REV3L: variants seen among roughly 807,000 people sequenced by gnomAD.
The protein encoded by REV3L is DNA polymerase zeta catalytic subunit.
A neutral mutation model predicts 299.4 loss-of-function variants in REV3L; 69 were observed. The observed-to-expected ratio is 0.23, with a 90% confidence interval of 0.19 to 0.28. The LOEUF is 0.28. Among genes scored for constraint, REV3L ranks in the 10% least tolerant of loss-of-function variants. The probability of loss-of-function intolerance (pLI) is 1.00; values close to 1 mark genes in which losing one functional copy is unlikely to be tolerated. For synonymous variants in REV3L, 1,238 were observed against 1,271.4 expected, an observed-to-expected ratio of 0.97 and a Z score of 0.56; for missense variants, 3,128 against 3,693.8, an observed-to-expected ratio of 0.85 and a Z score of 3.97.
intron 1 of REV3L, among the ~76,000 whole-genome samples, chr6:111,448,517 G>T (rs538344906): frequency 1.3e-5 from 2 of 151,924 alleles, no homozygotes; most frequent in African/African-American, 4.8e-5. Flanking sequence ...GTAGTTTTTG[G>T]AAAGATGGTG....
intron 1 of REV3L, among the ~76,000 whole-genome samples, chr6:111,452,225 T>G (rs112313874): frequency 6.6e-5 from 10 of 151,988 alleles, no homozygotes; most frequent in Admixed American, 2.0e-4. Flanking sequence ...TTGGAGAGGG[T>G]AGGAGAAACT....
At position 111,350,822 on chromosome 6, in the gene REV3L, C is replaced by CAA. The variant is rs1481679207; in HGVS notation, c.7300+852_7300+853dup. Among the ~76,000 whole-genome samples the CAA allele has an allele frequency of 5.3e-5, 8 of 150,988 alleles. No individual in the cohort carries two copies. In the East Asian group the frequency reaches 1.6e-3, roughly 30 times the overall value. On this transcript the variant is annotated intron_variant, in intron 19 of 31. Transcript: ENST00000368802. The stretch of plus-strand genomic sequence containing the variant: ...TGGGATAGTTTTGAACTCCAGGGCT[C>CAA]AAGCAAGCCTCCCACCTTGGCCTCC...
chr6:111,351,406 A>C, intron 19 of REV3L, among the ~76,000 whole-genome samples: 1 of 152,216 alleles, frequency 6.6e-6, no homozygotes, highest in East Asian at 1.9e-4. Context: ...ATACGGTATG[A>C]TTATTTAAAA....
At chr6:111,309,116 C>T (rs1772666380) in intron 30 of REV3L, 1 of 152,342 alleles carries the variant, frequency 6.6e-6, no homozygotes, top group Middle Eastern at 3.1e-3. Context: ...GTGTGTGTTA[C>T]AGGGTATTCT....
chr6:111,460,760 A>G (rs1437663298), intron 1 of REV3L, among the ~76,000 whole-genome samples: 1 of 152,128 alleles, frequency 6.6e-6, no homozygotes, highest in African/African-American at 2.4e-5. Context: ...TTGTTCTAAA[A>G]GATAACTGTC....
Position 111,338,311 on chromosome 6 carries a change from CCTTTTTTTTTTTTT to C in REV3L, c.7539-2715_7539-2702del, listed in dbSNP as rs1457972889. Among the ~76,000 whole-genome samples the C allele has an allele frequency of 4.5e-3, 223 of 49,052 alleles. 3 individuals carry two copies. Among genetic ancestry groups the C allele is most frequent in the Middle Eastern group, 0.037 (3 of 82 alleles). The allele number at this position is 49,052 out of a possible 152,430, so 32.2% of individuals were successfully genotyped here. Reference sequence around the variant, plus strand: ...TTCTTTGTTTACTCCAGTCTAAAGTCCTTTTTTTTTTTTTTTTTTTTTTTTTTTTTTTTTTTTTT... The same window carrying C: ...TTCTTTGTTTACTCCAGTCTAAAGTCTTTTTTTTTTTTTTTTTTTTTTTTT... On this transcript the variant is annotated intron_variant, in intron 21 of 31. Coordinates refer to ENST00000368802, the MANE Select transcript of REV3L (RefSeq NM_001372078.1).
intron 1 of REV3L, among the ~76,000 whole-genome samples, chr6:111,463,640 C>G (rs1791062380): frequency 6.6e-6 from 1 of 152,070 alleles, no homozygotes; most frequent in African/African-American, 2.4e-5. Context: ...TTTCACTTAA[C>G]TTTGTTGATA....
chr6:111,317,223 A>C (rs901494681), intron 26 of REV3L, among the ~76,000 whole-genome samples: 6 of 152,214 alleles, frequency 3.9e-5, no homozygotes, highest in African/African-American at 1.4e-4. Context: ...CTTTGGAAAA[A>C]GTCCCTGCTA....
intron 1 of REV3L, among the ~76,000 whole-genome samples, chr6:111,444,143 G>A (rs917087254): frequency 2.6e-5 from 4 of 152,198 alleles, no homozygotes; most frequent in Non-Finnish European, 4.4e-5. Flanking sequence ...AGATTAGGAA[G>A]TATTGGTTAA....
chr6:111,430,842 T>A (rs919378571), intron 1 of REV3L: 44 of 1,607,586 alleles, frequency 2.7e-5, no homozygotes, highest in Non-Finnish European at 3.7e-5. Flanking sequence ...CAGTGCAAAT[T>A]GGAAAGAAGA....
At chr6:111,439,430 C>T (rs193140893) in intron 1 of REV3L, among the ~76,000 whole-genome samples, 114 of 152,216 alleles carry the variant, frequency 7.5e-4, no homozygotes, top group African/African-American at 2.6e-3. Context: ...TAGACAACAA[C>T]CAATTGAGAG....
chr6:111,471,056 A>G (rs1792145369), intron 1 of REV3L, among the ~76,000 whole-genome samples: 1 of 152,304 alleles, frequency 6.6e-6, no homozygotes, highest in South Asian at 2.1e-4. Context: ...TGTAGAAAAT[A>G]TATGGTGATG....
At chr6:111,353,618 T>C (rs1424158368) in intron 18 of REV3L, 2 of 152,204 alleles carry the variant, frequency 1.3e-5, no homozygotes, top group African/African-American at 4.8e-5. Context: ...CTTTTCTCTA[T>C]ACAAATAGGG....
At chr6:111,304,549 C>T (rs1772048300) in intron 31 of REV3L, among the ~76,000 whole-genome samples, 1 of 151,740 alleles carries the variant, frequency 6.6e-6, no homozygotes, top group Non-Finnish European at 1.5e-5. Context: ...TGAAAAACAC[C>T]TCAAATTAAA....
chr6:111,302,439 A>G (rs1324849037), intron 31 of REV3L, among the ~76,000 whole-genome samples: 8 of 152,222 alleles, frequency 5.3e-5, no homozygotes, highest in Admixed American at 6.5e-5. Context: ...TAGTTTCAAG[A>G]TCCTTTACTG....
At chr6:111,425,931 T>C (rs898895561) in intron 1 of REV3L, among the ~76,000 whole-genome samples, 7 of 152,230 alleles carry the variant, frequency 4.6e-5, no homozygotes, top group African/African-American at 1.7e-4. Context: ...GGGGGTATGA[T>C]ACTATGATAT....
rs560288048 is a variant in REV3L, at chr6:111,431,508, G to A, written c.140-15036C>T. 11 of 932,842 alleles carry A rather than the reference G, an allele frequency of 1.2e-5. No homozygotes were observed. The African/African-American group carries it at 1.8e-4, about 15-fold the overall frequency. The allele number at this position is 932,842 out of a possible 1,614,324, so 57.8% of individuals were successfully genotyped here. ...CAGGGAGCTAGCTCCAGGAAGCCCAGAATGAATGTTTCAACACCAGACCCC... is the reference window on the plus strand; with the variant it reads ...CAGGGAGCTAGCTCCAGGAAGCCCAAAATGAATGTTTCAACACCAGACCCC... On this transcript the variant is annotated intron_variant, in intron 1 of 31. Coordinates refer to ENST00000368802, the MANE Select transcript of REV3L (RefSeq NM_001372078.1).
At chr6:111,406,940 C>T (rs951252113) in intron 3 of REV3L, among the ~76,000 whole-genome samples, 2 of 152,064 alleles carry the variant, frequency 1.3e-5, no homozygotes, top group African/African-American at 4.8e-5. Flanking sequence ...GTCTGTGGTA[C>T]GATCATCTCC....
intron 1 of REV3L, among the ~76,000 whole-genome samples, chr6:111,453,154 C>A (rs1295868411): frequency 3.3e-5 from 5 of 152,120 alleles, no homozygotes; most frequent in Non-Finnish European, 4.4e-5. Context: ...AAATCACAGG[C>A]ATCAACATAT....
Sources: allele counts gnomAD v4.1 joint callset (sites outside exome capture counted in the v4.1 genomes callset), GRCh38; gene constraint gnomAD v4.1.1; transcripts MANE v1.5; gene names NCBI Gene and HGNC (gene_info 2026-07-23, HGNC 2026-07-21).